The following PCDHGA5 variants were observed in gnomAD, a reference collection of about 807,000 sequenced individuals.
PCDHGA5 encodes the protein protocadherin gamma subfamily A, 5.
Under a neutral mutation model 56.7 loss-of-function variants are expected in PCDHGA5, and 36 were observed. The observed-to-expected ratio is 0.64, with a 90% confidence interval of 0.49 to 0.84. The LOEUF (loss-of-function observed/expected upper bound fraction) is 0.84, where lower values mean the gene tolerates loss of function less well. PCDHGA5 is among the 40% of genes least tolerant of loss of function. PCDHGA5 has a pLI of 0.00. For synonymous variants in PCDHGA5, 563 were observed against 520.2 expected (o/e 1.08, Z -1.12); for missense variants, 1,305 against 1,201.5 (o/e 1.09, Z -1.27).
At chr5:141,425,860 A>G (rs1445251215) in intron 1 of PCDHGA5, among the ~76,000 whole-genome samples, 1 of 152,248 alleles carries the variant, frequency 6.6e-6, no homozygotes, top group Non-Finnish European at 1.5e-5. Context: ...TGACTGTTCT[A>G]TAGATTCCCA....
chr5:141,490,652 C>A lies in PCDHGA5; in HGVS notation c.2422-4155C>A. ...ATCCTAGAAAACCGGCCTCCGGGCT[C>A]CCTTCTTTGCACTGTGGCTGCCTCA... On this transcript the variant is annotated intron_variant, in intron 1 of 3. Transcript: ENST00000518069. The surrounding 1 kb of genome is among the most constrained non-coding windows in gnomAD (Gnocchi z 5.4). 6.2e-7 allele frequency: 1 copy of A among 1,614,208 alleles called. No individual in the cohort carries two copies. Among genetic ancestry groups the A allele is most frequent in the Non-Finnish European group, 8.5e-7 (1 of 1,180,026 alleles).
At chr5:141,415,809 CTA>C in intron 1 of PCDHGA5, 1 of 1,346,328 alleles carries the variant, frequency 7.4e-7, no homozygotes, top group Non-Finnish European at 9.5e-7. Flanking sequence ...CAATCAAGGC[CTA>C]TATATCATAA....
intron 1 of PCDHGA5, among the ~76,000 whole-genome samples, chr5:141,405,811 ACTGT>A (rs56926516): frequency 0.18 from 26,617 of 151,870 alleles, 2,510 homozygotes; most frequent in Admixed American, 0.28. Flanking sequence ...TTTCTCTTTA[ACTGT>A]CTGTACTTAA....
At chr5:141,377,569 C>A (rs1774120455) in intron 1 of PCDHGA5, 1 of 151,048 alleles carries the variant, frequency 6.6e-6, no homozygotes, top group African/African-American at 2.4e-5. Context: ...GCACCCTAGC[C>A]TGGGAGACAG....
In PCDHGA5 at chr5:141,486,680, T is replaced by A; in HGVS notation, c.2422-8127T>A. The A allele has an allele frequency of 6.2e-7, 1 of 1,614,102 alleles. No homozygotes were observed. Among genetic ancestry groups the A allele is most frequent in the Non-Finnish European group, 8.5e-7 (1 of 1,180,018 alleles). ...CCTGGAGCCCAGGAATCGAGATGTA[T>A]CAGCTTCCTCTTTCATCTCTCTGAA... is the stretch of plus-strand genomic sequence containing the variant. On this transcript the variant is annotated intron_variant, in intron 1 of 3. Coordinates refer to ENST00000518069, the MANE Select transcript of PCDHGA5 (RefSeq NM_018918.3). This position sits in a 1 kb window ranked among gnomAD's most constrained non-coding sequence, Gnocchi z 5.0.
chr5:141,504,200 G>C (rs1232187138), intron 2 of PCDHGA5, among the ~76,000 whole-genome samples: 1 of 152,154 alleles, frequency 6.6e-6, no homozygotes, highest in Non-Finnish European at 1.5e-5. Context: ...TTGTCACTGT[G>C]GGAAAATTCC....
Position 141,486,288 on chromosome 5 carries a change from T to C in PCDHGA5, c.2422-8519T>C. 5 of 1,613,996 alleles carry C rather than the reference T, an allele frequency of 3.1e-6. No individual in the cohort carries two copies. The highest frequency in any genetic ancestry group is 4.2e-6 in the Non-Finnish European group (5 of 1,179,986). ...GAACCTGGCACTGTGGTGGCACTTA[T>C]CAGTGTGCAGGATCCAGACTCAGGG... On this transcript the variant is annotated intron_variant, in intron 1 of 3. Coordinates refer to ENST00000518069, the MANE Select transcript of PCDHGA5 (RefSeq NM_018918.3). The surrounding 1 kb of genome is among the most constrained non-coding windows in gnomAD (Gnocchi z 5.0).
chr5:141,366,290 C>T lies in PCDHGA5; in HGVS notation c.1960C>T (p.Leu654=). ...CGTCGAAGACCATGGCCAGCCCCCT[C>T]TGTCAGCCACCTTCACGGTCACCGT... ...VAVEDHGQPP[L]SATFTVTVAV... Residue 654 remains leucine (L), a synonymous_variant, in exon 1 of 4, where the codon CTG becomes TTG. Transcript: ENST00000518069. 1 of 1,613,732 alleles carries T rather than the reference C, an allele frequency of 6.2e-7. No homozygotes were observed. Among genetic ancestry groups the T allele is most frequent in the Admixed American group, 1.7e-5 (1 of 60,036 alleles).
chr5:141,485,134 C>G lies in PCDHGA5; in HGVS notation c.2422-9673C>G, dbSNP rs967744072. 1.3e-6 allele frequency: 2 copies of G among 1,495,962 alleles called. No individual in the cohort carries two copies. Among genetic ancestry groups the G allele is most frequent in the South Asian group, 2.4e-5 (2 of 84,482 alleles). 92.7% of individuals were successfully genotyped at this position (1,495,962 alleles called of 1,614,324 possible). ...CTGTTTGGGGCGGGTCGGCTTCATC[C>G]GCGTCTCAGGAGCAAGTAGAGAATT... On this transcript the variant is annotated intron_variant, in intron 1 of 3. Transcript: ENST00000518069. The surrounding 1 kb of genome is among the most constrained non-coding windows in gnomAD (Gnocchi z 5.7).
intron 1 of PCDHGA5, chr5:141,475,926 G>C: frequency 4.8e-6 from 3 of 619,440 alleles, no homozygotes; most frequent in East Asian, 2.9e-5. Context: ...GCTGGAGATC[G>C]GGCCCCTGCC....
intron 1 of PCDHGA5, chr5:141,428,255 G>A (rs2097128504): frequency 1.1e-6 from 1 of 875,462 alleles, no homozygotes; most frequent in Non-Finnish European, 1.8e-6. Context: ...CCAGACTTCA[G>A]TGACAGTCCT....
Position 141,490,252 on chromosome 5 carries a change from G to A in PCDHGA5, c.2422-4555G>A, listed in dbSNP as rs150107963. The A allele has an allele frequency of 1.9e-6, 3 of 1,614,252 alleles. No homozygotes were observed. Among genetic ancestry groups the A allele is most frequent in the Non-Finnish European group, 1.7e-6 (2 of 1,180,046 alleles). The stretch of plus-strand genomic sequence containing the variant: ...CATGGAGGGCCACTGTGTGATTCAA[G>A]TGGATGTGGGGGATGTCAATGACAA... On this transcript the variant is annotated intron_variant, in intron 1 of 3. Coordinates refer to ENST00000518069, the MANE Select transcript of PCDHGA5 (RefSeq NM_018918.3). This position sits in a 1 kb window ranked among gnomAD's most constrained non-coding sequence, Gnocchi z 5.4.
intron 2 of PCDHGA5, among the ~76,000 whole-genome samples, chr5:141,497,023 G>A (rs1271608156): frequency 1.3e-5 from 2 of 151,912 alleles, no homozygotes; most frequent in Non-Finnish European, 2.9e-5. Flanking sequence ...ACCCCATCTC[G>A]ATTAAAAATA....
chr5:141,510,910 A>C (rs780792326), intron 3 of PCDHGA5, 37 bp from the exon 4 acceptor site: 4 of 1,613,740 alleles, frequency 2.5e-6, no homozygotes, highest in Admixed American at 3.3e-5. Flanking sequence ...GAGGACCCTA[A>C]GTTTAGCTCC....
chr5:141,453,669 G>T (rs1390396079), intron 1 of PCDHGA5, among the ~76,000 whole-genome samples: 1 of 152,034 alleles, frequency 6.6e-6, no homozygotes, highest in Non-Finnish European at 1.5e-5. Context: ...TTACACAAAA[G>T]GTAACACACT....
chr5:141,383,869 G>C (rs1311272718), intron 1 of PCDHGA5: 1 of 1,613,980 alleles, frequency 6.2e-7, no homozygotes, highest in Non-Finnish European at 8.5e-7. Context: ...GGCTCAAGAT[G>C]GTCCTGGTAG....
intron 1 of PCDHGA5, among the ~76,000 whole-genome samples, chr5:141,443,858 T>C (rs1325927807): frequency 6.6e-6 from 1 of 152,162 alleles, no homozygotes; most frequent in Non-Finnish European, 1.5e-5. Context: ...GTCTGAAAAC[T>C]GAAAAAATTA....
chr5:141,366,867 A>G (rs1025500937), intron 1 of PCDHGA5, 116 bp downstream of exon 1: 18 of 1,412,872 alleles, frequency 1.3e-5, no homozygotes, highest in African/African-American at 2.9e-5. Context: ...TATTTGCTGT[A>G]TTGGAGATTA....
chr5:141,427,458 A>T (rs2097029342), intron 1 of PCDHGA5: 1 of 494,398 alleles, frequency 2.0e-6, no homozygotes, highest in African/African-American at 1.9e-5. Context: ...TCCTTTTAGA[A>T]TCGAATCTTC....
Sources: gnomAD v4.1 joint callset for allele counts (sites outside exome capture counted in the v4.1 genomes callset) on GRCh38, gnomAD v4.1.1 for gene constraint, Gnocchi (gnomAD v3.1) non-coding constraint, MANE v1.5 for transcripts, NCBI Gene and HGNC (gene_info 2026-07-23, HGNC 2026-07-21) for gene names.